Variants in AHR observed in about 807,000 individuals in gnomAD.
AHR encodes aryl hydrocarbon receptor.
A neutral mutation model predicts 86.8 loss-of-function variants in AHR; 40 were observed. That is an observed-to-expected ratio of 0.46 (90% CI 0.36 to 0.60). The LOEUF (loss-of-function observed/expected upper bound fraction) is 0.60, where lower values mean the gene tolerates loss of function less well. Among genes scored for constraint, AHR ranks in the 20% least tolerant of loss-of-function variants. The probability of loss-of-function intolerance (pLI) is 0.00; values close to 1 mark genes in which losing one functional copy is unlikely to be tolerated. For missense variants in AHR, 1,001 were observed against 1,011.6 expected, an observed-to-expected ratio of 0.99 and a Z score of 0.14; for synonymous variants, 398 against 354.9, an observed-to-expected ratio of 1.12 and a Z score of -1.37.
intron 2 of AHR, among the ~76,000 whole-genome samples, chr7:17,321,310 T>C (rs1460897662): frequency 6.6e-6 from 1 of 151,970 alleles, no homozygotes; most frequent in Non-Finnish European, 1.5e-5. Flanking sequence ...TCAGAAACTT[T>C]ACATATATTC....
At chr7:17,335,036 G>T (rs764709620) in intron 8 of AHR, 40 bp downstream of exon 8, 1 of 1,442,012 alleles carries the variant, frequency 6.9e-7, no homozygotes, top group Non-Finnish European at 9.7e-7. Context: ...GAAGAAAACG[G>T]CATATACTGT....
At chr7:17,330,977 A>T in intron 6 of AHR, 91 bp downstream of exon 6, 1 of 1,393,968 alleles carries the variant, frequency 7.2e-7, no homozygotes, top group Non-Finnish European at 9.8e-7. Context: ...AATTCAGCAG[A>T]GAACTATTCC....
chr7:17,341,700 T>G (rs998592709), intron 10 of AHR, among the ~76,000 whole-genome samples: 3 of 152,176 alleles, frequency 2.0e-5, no homozygotes, highest in Non-Finnish European at 4.4e-5. Context: ...TATCTCATCT[T>G]TTATTATTGA....
chr7:17,307,615 G>A (rs1429342273), intron 1 of AHR, among the ~76,000 whole-genome samples: 2 of 152,142 alleles, frequency 1.3e-5, no homozygotes, highest in African/African-American at 2.4e-5. Flanking sequence ...AGATCATGAA[G>A]GATTTTGTGT....
chr7:17,343,130 A>G lies in AHR; in HGVS notation c.*66A>G, dbSNP rs1782444216. On this transcript the variant is annotated 3_prime_UTR_variant, in exon 11 of 11. Transcript: ENST00000242057. Reference sequence around the variant, plus strand: ...GTTTGTGAAGGATTATGGAAAAATAAAACTGTCACTGTTGGACGTCAGCAA... The same window carrying G: ...GTTTGTGAAGGATTATGGAAAAATAGAACTGTCACTGTTGGACGTCAGCAA... The G allele has an allele frequency of 6.4e-7, 1 of 1,567,448 alleles. No individual in the cohort carries two copies. Among genetic ancestry groups the G allele is most frequent in the Non-Finnish European group, 8.8e-7 (1 of 1,140,158 alleles).
At chr7:17,341,693 C>T (rs1018567841) in intron 10 of AHR, among the ~76,000 whole-genome samples, 1 of 152,042 alleles carries the variant, frequency 6.6e-6, no homozygotes, top group East Asian at 1.9e-4. Flanking sequence ...TGTAAAATAT[C>T]TCATCTTTTA....
chr7:17,316,084 G>C (rs985048964), intron 2 of AHR, among the ~76,000 whole-genome samples: 1 of 152,186 alleles, frequency 6.6e-6, no homozygotes, highest in Non-Finnish European at 1.5e-5. Flanking sequence ...TAAGGTGATA[G>C]AGTTGACTTA....
At chr7:17,300,087 CATCT>C (rs1781939316) in intron 1 of AHR, among the ~76,000 whole-genome samples, 1 of 152,190 alleles carries the variant, frequency 6.6e-6, no homozygotes, top group Non-Finnish European at 1.5e-5. Flanking sequence ...TCATTCTTAA[CATCT>C]ACCTCTAATT....
At chr7:17,338,902 T>C in intron 9 of AHR, 84 bp from the exon 10 acceptor site, 1 of 1,300,694 alleles carries the variant, frequency 7.7e-7, no homozygotes. Flanking sequence ...TGTATTTTGC[T>C]TTATGTTTTT....
At chr7:17,302,188 A>C (rs1396878731) in intron 1 of AHR, among the ~76,000 whole-genome samples, 1 of 141,392 alleles carries the variant, frequency 7.1e-6, no homozygotes, top group Non-Finnish European at 1.6e-5. Context: ...GAATGTTGGC[A>C]AATAATAGGT....
chr7:17,327,129 G>A (rs1409903043), intron 3 of AHR, among the ~76,000 whole-genome samples: 1 of 151,934 alleles, frequency 6.6e-6, no homozygotes, highest in East Asian at 1.9e-4. Flanking sequence ...AATGTGCTGT[G>A]AACAAATAGA....
rs1429229841 is a variant in AHR, at chr7:17,341,963, T to TA, written c.2404-957dup. On this transcript the variant is annotated intron_variant, in intron 10 of 10. Transcript: ENST00000242057. ...AACTCACCATTATCTGGCCAGGTAA[T>TA]ACTAACTTTTTATTTAAAGAATTTA... 3.3e-5 allele frequency among the ~76,000 whole-genome samples: 5 copies of TA among 152,144 alleles called. No individual in the cohort carries two copies. The East Asian group carries it at 9.6e-4, about 29-fold the overall frequency.
intron 6 of AHR, 81 bp from the exon 7 acceptor site, chr7:17,333,831 G>C (rs1782326619): frequency 2.8e-6 from 3 of 1,087,954 alleles, no homozygotes; most frequent in Non-Finnish European, 4.1e-6. Flanking sequence ...CCTAGAGGCA[G>C]CCATAATGGA....
In AHR at chr7:17,333,965, G is replaced by T; in HGVS notation, c.759G>T (p.Gly253=). The T allele has an allele frequency of 6.2e-7, 1 of 1,613,428 alleles. No homozygotes were observed. Among genetic ancestry groups the T allele is most frequent in the East Asian group, 2.2e-5 (1 of 44,852 alleles). The change falls in exon 7 of 11, where the codon GGG becomes GGT. Residue 253 remains glycine (G), a synonymous_variant. Coordinates refer to ENST00000242057, the MANE Select transcript of AHR (RefSeq NM_001621.5). Reference sequence around the variant, plus strand: ...ATCTTCATGGACAGAAAAAGAAAGGGAAAGATGGATCAATACTTCCACCTC... The same window carrying T: ...ATCTTCATGGACAGAAAAAGAAAGGTAAAGATGGATCAATACTTCCACCTC... ...LKYLHGQKKK[G]KDGSILPPQL...
At chr7:17,303,145 C>G (rs555604820) in intron 1 of AHR, among the ~76,000 whole-genome samples, 1 of 152,114 alleles carries the variant, frequency 6.6e-6, no homozygotes, top group South Asian at 2.1e-4. Context: ...CAAAAGATGA[C>G]TGTTTATTAG....
chr7:17,315,682 C>T (rs552256815), intron 2 of AHR, among the ~76,000 whole-genome samples: 4 of 151,802 alleles, frequency 2.6e-5, no homozygotes, highest in South Asian at 2.1e-4. Context: ...TAAGATATTT[C>T]GTGAGGGTTT....
At chr7:17,317,647 G>A (rs539474758) in intron 2 of AHR, among the ~76,000 whole-genome samples, 3 of 152,088 alleles carry the variant, frequency 2.0e-5, no homozygotes, top group African/African-American at 4.8e-5. Context: ...GCATCACTGG[G>A]GAACTTGTTA....
rs756720459 is a variant in AHR, at chr7:17,339,290, T to C, written c.1465T>C (p.Ser489Pro). 10 of 1,614,066 alleles carry C rather than the reference T, an allele frequency of 6.2e-6. No individual in the cohort carries two copies. Among genetic ancestry groups the C allele is most frequent in the Admixed American group, 5.0e-5 (3 of 60,002 alleles). Reference sequence around the variant, plus strand: ...TTTTGAAAACAACTTTTTCAACGAATCTATGAATGAATGCAGAAATTGGCA... The same window carrying C: ...TTTTGAAAACAACTTTTTCAACGAACCTATGAATGAATGCAGAAATTGGCA... ...APFENNFFNESMNECRNWQDN... is the reference protein window; with the variant it reads ...APFENNFFNEPMNECRNWQDN... Residue 489 changes from serine to proline, a missense_variant, in exon 10 of 11, where the codon TCT (serine) becomes CCT (proline). By Grantham distance (74) the Ser-to-Pro change is moderately conservative. Around this residue, in one of 2 missense-constraint regions of AHR, gnomAD observed 607 missense variants for 543.1 expected, o/e 1.12. Transcript: ENST00000242057.
At position 17,343,729 on chromosome 7, in the gene AHR, A is replaced by G. The variant is rs1782451181; in HGVS notation, c.*665A>G. The G allele has an allele frequency of 6.6e-6, 1 of 152,536 alleles. No homozygotes were observed. The highest frequency in any genetic ancestry group is 6.6e-5 in the Admixed American group (1 of 15,266). The allele number at this position is 152,536 out of a possible 1,614,324, so 9.4% of individuals were successfully genotyped here. On this transcript the variant is annotated 3_prime_UTR_variant, in exon 11 of 11. Transcript: ENST00000242057. ...ATATTATTTGTGTTTCCTAAATCCA[A>G]CCATTTTCATTAATTCAGGCATATT...
Sources: allele counts gnomAD v4.1 joint callset (sites outside exome capture counted in the v4.1 genomes callset), GRCh38; gene constraint gnomAD v4.1.1; regional missense constraint gnomAD v4.1.1; transcripts MANE v1.5; gene names NCBI Gene and HGNC (gene_info 2026-07-23, HGNC 2026-07-21).